LAMB1: variants seen among roughly 807,000 people sequenced by gnomAD.
LAMB1 encodes the protein laminin subunit beta-1.
Under a neutral mutation model 222.3 loss-of-function variants are expected in LAMB1, and 121 were observed. The ratio of observed to expected loss-of-function variants is 0.54; its 90% CI spans 0.47 to 0.63. The LOEUF (loss-of-function observed/expected upper bound fraction) is 0.63, where lower values mean the gene tolerates loss of function less well. Among genes scored for constraint, LAMB1 ranks in the 30% least tolerant of loss-of-function variants. The probability of loss-of-function intolerance (pLI) is 0.00; values close to 1 mark genes in which losing one functional copy is unlikely to be tolerated. For missense variants in LAMB1, 2,172 were observed against 2,240.8 expected (o/e 0.97, Z 0.62); for synonymous variants, 794 against 807.2 (o/e 0.98, Z 0.28).
chr7:107,981,540 AC>A (rs1259774240), intron 7 of LAMB1, among the ~76,000 whole-genome samples: 2 of 152,188 alleles, frequency 1.3e-5, no homozygotes, highest in African/African-American at 2.4e-5. Context: ...CTGAACGACA[AC>A]AAAAAAGAGT....
chr7:107,997,428 T>C (rs536056865), intron 4 of LAMB1, among the ~76,000 whole-genome samples: 96 of 152,070 alleles, frequency 6.3e-4, no homozygotes, highest in Non-Finnish European at 1.1e-3. Flanking sequence ...GCCTCAAAAA[T>C]AAACAAACAA....
chr7:107,959,268 T>C lies in LAMB1; in HGVS notation c.2671A>G (p.Met891Val), dbSNP rs751715534. 3 of 1,613,884 alleles carry C rather than the reference T, an allele frequency of 1.9e-6. No homozygotes were observed. Among genetic ancestry groups the C allele is most frequent in the Non-Finnish European group, 2.5e-6 (3 of 1,179,766 alleles). The change falls in exon 20 of 34, where the codon ATG (methionine) becomes GTG (valine). Residue 891 changes from methionine (M) to valine (V), a missense_variant. Coordinates refer to ENST00000222399, the MANE Select transcript of LAMB1 (RefSeq NM_002291.3). Reference protein sequence around the residue: ...GECLNCQDYTMGHNCERCLAG... With the variant: ...GECLNCQDYTVGHNCERCLAG... Reference sequence around the variant, plus strand: ...GCATACCTTTCACAGTTATGACCCATGGTGTAGTCCTGGCAGTTCAAGCAC... The same window carrying C: ...GCATACCTTTCACAGTTATGACCCACGGTGTAGTCCTGGCAGTTCAAGCAC...
intron 5 of LAMB1, among the ~76,000 whole-genome samples, chr7:107,991,240 C>T (rs1483496146): frequency 6.6e-6 from 1 of 152,102 alleles, no homozygotes; most frequent in East Asian, 1.9e-4. Flanking sequence ...TTGCAATCAC[C>T]TCATAGTGGC....
At position 107,962,707 on chromosome 7, in the gene LAMB1, CAA is replaced by C. The variant is rs57580761; in HGVS notation, c.1857+196_1857+197del. Among the ~76,000 whole-genome samples, 17,969 of 98,362 alleles carry C rather than the reference CAA, an allele frequency of 0.18. 1,722 individuals carry two copies. The highest frequency in any genetic ancestry group is 0.4 in the African/African-American group (11,280 of 28,078). 64.5% of individuals were successfully genotyped at this position (98,362 alleles called of 152,430 possible). On this transcript the variant is annotated intron_variant, in intron 15 of 33. Coordinates refer to ENST00000222399, the MANE Select transcript of LAMB1 (RefSeq NM_002291.3). ...CCAGCCTGGACAACAGAGCGAGACT[CAA>C]AAAAAAAAAAAAAAAAGAAAGAAAG...
At chr7:107,958,937 C>G (rs997113595) in intron 20 of LAMB1, among the ~76,000 whole-genome samples, 1 of 152,158 alleles carries the variant, frequency 6.6e-6, no homozygotes, top group Admixed American at 6.5e-5. Flanking sequence ...TCTTATCCTC[C>G]GCCAGAATCT....
chr7:107,998,590 C>G (rs2034324069), intron 3 of LAMB1, 98 bp from the exon 4 acceptor site: 1 of 990,328 alleles, frequency 1.0e-6, no homozygotes, highest in Non-Finnish European at 1.5e-6. Flanking sequence ...AAAAATCAAC[C>G]TATTAGCTTC....
At chr7:107,971,755 G>A (rs997586002) in intron 13 of LAMB1, among the ~76,000 whole-genome samples, 2 of 152,198 alleles carry the variant, frequency 1.3e-5, no homozygotes, top group South Asian at 2.1e-4. Context: ...TAGGGCCTGT[G>A]CGTGGGTGGA....
chr7:107,975,294 A>G lies in LAMB1; in HGVS notation c.1309T>C (p.Cys437Arg). 6.2e-7 allele frequency: 1 copy of G among 1,614,132 alleles called. No homozygotes were observed. Among genetic ancestry groups the G allele is most frequent in the Non-Finnish European group, 8.5e-7 (1 of 1,179,986 alleles). Reference sequence around the variant, plus strand: ...TAGAAGCCTTCTTTGCAAACATCACAATGTTCTCCTTCCACATTTAATTTA... The same window carrying G: ...TAGAAGCCTTCTTTGCAAACATCACGATGTTCTCCTTCCACATTTAATTTA... ...RCKLNVEGEH[C>R]DVCKEGFYDL... Residue 437 changes from cysteine to arginine, a missense_variant, in exon 11 of 34, where the codon TGT becomes CGT. Transcript: ENST00000222399.
At chr7:107,958,404 T>A (rs186254780) in intron 20 of LAMB1, among the ~76,000 whole-genome samples, 8 of 152,342 alleles carry the variant, frequency 5.3e-5, no homozygotes, top group Admixed American at 4.6e-4. Context: ...GTTAATCACA[T>A]ACTCAGTTTT....
chr7:107,976,730 A>T (rs1278267474), intron 9 of LAMB1, among the ~76,000 whole-genome samples: 1 of 152,046 alleles, frequency 6.6e-6, no homozygotes, highest in Admixed American at 6.6e-5. Flanking sequence ...CCCAGCATGG[A>T]CTCTGTGATG....
At position 107,977,921 on chromosome 7, in the gene LAMB1, G is replaced by A. The variant is rs1272070592; in HGVS notation, c.1000+126C>T. The stretch of plus-strand genomic sequence containing the variant: ...GTTGGTTGTCTAGGAGTATCAGGGT[G>A]AAGCTGGAAAAAAGACAGTAACTTT... On this transcript the variant is annotated intron_variant, in intron 9 of 33. Coordinates refer to ENST00000222399, the MANE Select transcript of LAMB1 (RefSeq NM_002291.3). 8.0e-6 allele frequency: 8 copies of A among 999,438 alleles called. No individual in the cohort carries two copies. In the East Asian group the frequency reaches 1.2e-4, roughly 15 times the overall value. The allele number at this position is 999,438 out of a possible 1,614,324, so 61.9% of individuals were successfully genotyped here.
Position 107,924,093 on chromosome 7 carries a change from G to C in LAMB1, c.5225-6C>G. ...TTCATATTTTCTTTCTAAATCTGTGGGGAGATATATATATATAAAGTCTGA... is the reference window on the plus strand; with the variant it reads ...TTCATATTTTCTTTCTAAATCTGTGCGGAGATATATATATATAAAGTCTGA... On this transcript the variant is annotated splice_region_variant and splice_polypyrimidine_tract_variant and intron_variant, in intron 33 of 33. Coordinates refer to ENST00000222399, the MANE Select transcript of LAMB1 (RefSeq NM_002291.3). The C allele has an allele frequency of 2.4e-6, 2 of 836,350 alleles. No homozygotes were observed. Among genetic ancestry groups the C allele is most frequent in the Non-Finnish European group, 3.2e-6 (2 of 633,182 alleles). 51.8% of individuals were successfully genotyped at this position (836,350 alleles called of 1,614,324 possible). A position where few individuals can be genotyped will look rare whatever the true frequency, so the allele number is the denominator to read the frequency against.
intron 13 of LAMB1, among the ~76,000 whole-genome samples, chr7:107,965,064 A>G (rs2150431839): frequency 6.6e-6 from 1 of 152,282 alleles, no homozygotes. Flanking sequence ...GCTGTCCCAG[A>G]GCATCCCAAA....
chr7:107,980,347 T>C (rs1473706635), intron 8 of LAMB1, among the ~76,000 whole-genome samples: 3 of 152,222 alleles, frequency 2.0e-5, no homozygotes, highest in Non-Finnish European at 4.4e-5. Context: ...TTGACTAAAA[T>C]ATCTACTTTA....
chr7:107,950,866 T>A (rs549062940), intron 24 of LAMB1, among the ~76,000 whole-genome samples: 1 of 152,198 alleles, frequency 6.6e-6, no homozygotes, highest in Non-Finnish European at 1.5e-5. Flanking sequence ...AACATAGGGT[T>A]CACATGGTCC....
intron 22 of LAMB1, among the ~76,000 whole-genome samples, chr7:107,953,183 C>T (rs1241726626): frequency 6.6e-6 from 1 of 151,950 alleles, no homozygotes; most frequent in African/African-American, 2.4e-5. Context: ...ATGGTGAAAC[C>T]CCGTCTCTAT....
intron 21 of LAMB1, among the ~76,000 whole-genome samples, 159 bp downstream of exon 21, chr7:107,955,308 T>C (rs2033350738): frequency 6.6e-6 from 1 of 152,234 alleles, no homozygotes; most frequent in Non-Finnish European, 1.5e-5. Flanking sequence ...CTCCACTCCA[T>C]GTGCCAAATA....
intron 3 of LAMB1, among the ~76,000 whole-genome samples, chr7:108,000,178 G>A (rs906029872): frequency 1.3e-5 from 2 of 148,906 alleles, no homozygotes; most frequent in African/African-American, 5.1e-5. Flanking sequence ...AACTAGTACT[G>A]GAGAACAATC....
chr7:107,951,919 T>A (rs2033259499), intron 23 of LAMB1, 90 bp downstream of exon 23: 1 of 1,078,736 alleles, frequency 9.3e-7, no homozygotes, highest in African/African-American at 1.6e-5. Context: ...TCAAGCTGTG[T>A]GCCCTGGTGC....
Sources: gnomAD v4.1 joint callset for allele counts (sites outside exome capture counted in the v4.1 genomes callset) on GRCh38, gnomAD v4.1.1 for gene constraint, MANE v1.5 for transcripts, NCBI Gene and HGNC (gene_info 2026-07-23, HGNC 2026-07-21) for gene names.